ERGIC2: variants seen among roughly 807,000 people sequenced by gnomAD.
ERGIC2 encodes the protein endoplasmic reticulum-Golgi intermediate compartment protein 2.
A neutral mutation model predicts 52.5 loss-of-function variants in ERGIC2; 31 were observed. The ratio of observed to expected loss-of-function variants is 0.59; its 90% CI spans 0.44 to 0.80. The LOEUF is 0.80. Ranked by LOEUF, ERGIC2 falls within the 30% of genes least tolerant of loss-of-function variation. The pLI, the probability that ERGIC2 is intolerant of heterozygous loss-of-function variation, is 0.00. For missense variants in ERGIC2, 395 were observed against 455.2 expected, an observed-to-expected ratio of 0.87 and a Z score of 1.20; for synonymous variants, 129 against 140.6, an observed-to-expected ratio of 0.92 and a Z score of 0.58.
At chr12:29,359,555 G>A (rs940538682) in intron 6 of ERGIC2, among the ~76,000 whole-genome samples, 3 of 151,532 alleles carry the variant, frequency 2.0e-5, no homozygotes, top group Non-Finnish European at 2.9e-5. Context: ...TACTAGTTTC[G>A]AGCATTGAAA....
chr12:29,361,401 T>C (rs531097089), intron 6 of ERGIC2, among the ~76,000 whole-genome samples: 2 of 152,314 alleles, frequency 1.3e-5, no homozygotes, highest in South Asian at 2.1e-4. Flanking sequence ...AAAATGTAAA[T>C]AGTTGATACC....
intron 12 of ERGIC2, among the ~76,000 whole-genome samples, chr12:29,342,799 A>G (rs1440419307): frequency 6.6e-6 from 1 of 152,200 alleles, no homozygotes; most frequent in Non-Finnish European, 1.5e-5. Context: ...CTGATTAGAA[A>G]ACCTCAGAAA....
intron 1 of ERGIC2, among the ~76,000 whole-genome samples, chr12:29,374,465 C>A (rs960264108): frequency 2.0e-5 from 3 of 152,150 alleles, no homozygotes; most frequent in Admixed American, 6.5e-5. Flanking sequence ...CCATTTCAAT[C>A]TGCATGTTGA....
In ERGIC2 at chr12:29,339,898, T is replaced by C. The variant is rs556592040; in HGVS notation, c.*1258A>G. On this transcript the variant is annotated 3_prime_UTR_variant, in exon 14 of 14. Transcript: ENST00000360150. ...CCTTAAATGATTTAAACTTTGAGGA[T>C]TGGCTGCTGATTCTTCTACTGCCAT... is the stretch of plus-strand genomic sequence containing the variant. 2.0e-5 allele frequency: 3 copies of C among 152,286 alleles called. No homozygotes were observed. The highest frequency in any genetic ancestry group is 4.8e-5 in the African/African-American group (2 of 41,576). 9.4% of individuals were successfully genotyped at this position (152,286 alleles called of 1,614,324 possible).
rs1034578321 is a variant in ERGIC2, at chr12:29,374,826, C to T, written c.-37-3156G>A. Reference sequence around the variant, plus strand: ...TCTATCACTACATTGCTTCAACAACCTCTAATCTTCAACCTTCCAATTCTC... The same window carrying T: ...TCTATCACTACATTGCTTCAACAACTTCTAATCTTCAACCTTCCAATTCTC... On this transcript the variant is annotated intron_variant, in intron 1 of 13. Transcript: ENST00000360150. Among the ~76,000 whole-genome samples the T allele has an allele frequency of 7.2e-5, 11 of 152,144 alleles. 1 individual carries two copies. Among genetic ancestry groups the T allele is most frequent in the Non-Finnish European group, 1.5e-5 (1 of 68,012 alleles).
chr12:29,337,415 T>C lies in ERGIC2; in HGVS notation c.*3741A>G, dbSNP rs946325803. The C allele has an allele frequency of 2.0e-5, 3 of 152,132 alleles. No homozygotes were observed. Among genetic ancestry groups the C allele is most frequent in the Admixed American group, 6.5e-5 (1 of 15,278 alleles). The allele number at this position is 152,132 out of a possible 1,614,324, so 9.4% of individuals were successfully genotyped here. A position where few individuals can be genotyped will look rare whatever the true frequency, so the allele number is the denominator to read the frequency against. Reference sequence around the variant, plus strand: ...CTTGCAATACTAAATATTTTGTTTTTTCTCTCAAGACAAAAAAAAAATCCA... The same window carrying C: ...CTTGCAATACTAAATATTTTGTTTTCTCTCTCAAGACAAAAAAAAAATCCA... On this transcript the variant is annotated 3_prime_UTR_variant, in exon 14 of 14. Transcript: ENST00000360150.
At chr12:29,354,877 T>C (rs1940181136) in intron 8 of ERGIC2, among the ~76,000 whole-genome samples, 1 of 152,218 alleles carries the variant, frequency 6.6e-6, no homozygotes, top group African/African-American at 2.4e-5. Flanking sequence ...TAAATTTCTT[T>C]AAGCTAAGAT....
At chr12:29,361,159 G>T (rs1940280353) in intron 6 of ERGIC2, among the ~76,000 whole-genome samples, 1 of 152,106 alleles carries the variant, frequency 6.6e-6, no homozygotes, top group Non-Finnish European at 1.5e-5. Flanking sequence ...GGCTGAGGCA[G>T]GAGAATCGCT....
intron 10 of ERGIC2, 47 bp downstream of exon 10, chr12:29,349,032 C>T (rs758080491): frequency 3.0e-6 from 3 of 1,015,490 alleles, no homozygotes; most frequent in East Asian, 2.6e-5. Flanking sequence ...AGGTTATAAG[C>T]AAAATTTTCT....
chr12:29,348,992 T>TA, intron 10 of ERGIC2, 87 bp downstream of exon 10: 1 of 645,322 alleles, frequency 1.5e-6, no homozygotes. Flanking sequence ...ACACAGTAGT[T>TA]AGGAAGACAT....
chr12:29,368,414 T>C, intron 3 of ERGIC2, 127 bp from the exon 4 acceptor site: 1 of 575,664 alleles, frequency 1.7e-6, no homozygotes, highest in South Asian at 2.3e-5. Flanking sequence ...AGAACTTGAA[T>C]TGCATTTCTC....
intron 3 of ERGIC2, among the ~76,000 whole-genome samples, chr12:29,369,898 A>G (rs189264127): frequency 4.6e-5 from 7 of 152,108 alleles, no homozygotes; most frequent in Admixed American, 2.0e-4. Flanking sequence ...AAAGCATGCT[A>G]AATCAAAGAA....
Position 29,337,463 on chromosome 12 carries a change from A to T in ERGIC2, c.*3693T>A, listed in dbSNP as rs1949804848. 1 of 152,134 alleles carries T rather than the reference A, an allele frequency of 6.6e-6. No individual in the cohort carries two copies. Among genetic ancestry groups the T allele is most frequent in the Admixed American group, 6.5e-5 (1 of 15,276 alleles). The allele number at this position is 152,134 out of a possible 1,614,324, so 9.4% of individuals were successfully genotyped here. ...CCAAGGCAGTCTGTTTTCTCCTCTT[A>T]AATGTAAAGTGATTTCATCAGTAAT... On this transcript the variant is annotated 3_prime_UTR_variant, in exon 14 of 14. Transcript: ENST00000360150.
At chr12:29,377,218 C>A (rs1306275679) in intron 1 of ERGIC2, among the ~76,000 whole-genome samples, 2 of 152,082 alleles carry the variant, frequency 1.3e-5, no homozygotes, top group Non-Finnish European at 2.9e-5. Flanking sequence ...TCTTTGATGT[C>A]TCTCCTTAAA....
intron 1 of ERGIC2, among the ~76,000 whole-genome samples, chr12:29,378,599 C>G (rs920615842): frequency 2.0e-5 from 3 of 151,052 alleles, no homozygotes; most frequent in Non-Finnish European, 3.0e-5. Flanking sequence ...AGATAGCAAC[C>G]CCCCAACCCC....
In ERGIC2 at chr12:29,350,078, G is replaced by GA. The variant is rs374870823; in HGVS notation, c.573-11dup. The GA allele has an allele frequency of 1.0e-4, 158 of 1,573,142 alleles. No individual in the cohort carries two copies. In the African/African-American group the frequency reaches 1.6e-3, roughly 16 times the overall value. ...AGGATGTGGAATTGCCCTGAAAGGAGAAAAAACAATTATTAAAGTAGTACC... is the reference window on the plus strand; with the variant it reads ...AGGATGTGGAATTGCCCTGAAAGGAGAAAAAAACAATTATTAAAGTAGTACC... On this transcript the variant is annotated splice_polypyrimidine_tract_variant and intron_variant, in intron 8 of 13. Coordinates refer to ENST00000360150, the MANE Select transcript of ERGIC2 (RefSeq NM_016570.3).
chr12:29,355,602 A>C (rs1439479138), intron 8 of ERGIC2, among the ~76,000 whole-genome samples: 2 of 152,150 alleles, frequency 1.3e-5, no homozygotes, highest in Non-Finnish European at 2.9e-5. Context: ...TTTTTCCTTA[A>C]CTTTTACCTA....
rs190710346 is a variant in ERGIC2, at chr12:29,364,493, A to T, written c.333+2384T>A. Among the ~76,000 whole-genome samples the T allele has an allele frequency of 3.6e-3, 545 of 152,254 alleles. 6 individuals are homozygous for T. The highest frequency in any genetic ancestry group is 0.012 in the African/African-American group (485 of 41,554). On this transcript the variant is annotated intron_variant, in intron 5 of 13. Coordinates refer to ENST00000360150, the MANE Select transcript of ERGIC2 (RefSeq NM_016570.3). ...AAGATTTAAATGACCTTAAACTATA[A>T]GAATCCTAGAAGAAAACCTAGAAAA...
chr12:29,358,941 T>G (rs565232521), intron 6 of ERGIC2, among the ~76,000 whole-genome samples: 8 of 152,202 alleles, frequency 5.3e-5, no homozygotes, highest in African/African-American at 9.6e-5. Context: ...ACATAAAAAG[T>G]AGAAACCAGA....
Sources: allele counts gnomAD v4.1 joint callset (sites outside exome capture counted in the v4.1 genomes callset), GRCh38; gene constraint gnomAD v4.1.1; transcripts MANE v1.5; gene names NCBI Gene and HGNC (gene_info 2026-07-23, HGNC 2026-07-21).